CAMK1D: variants seen among roughly 807,000 people sequenced by gnomAD.
CAMK1D encodes calcium/calmodulin-dependent protein kinase type 1D.
CAMK1D carries 9 observed loss-of-function variants against 47.7 expected under a neutral mutation model. The observed-to-expected ratio is 0.19, with a 90% CI of 0.11 to 0.33. The LOEUF is 0.33. Ranked by LOEUF, CAMK1D falls within the 10% of genes least tolerant of loss-of-function variation. The probability of loss-of-function intolerance (pLI) is 1.00; values close to 1 mark genes in which losing one functional copy is unlikely to be tolerated. For synonymous variants in CAMK1D, 184 were observed against 184.9 expected, an observed-to-expected ratio of 0.99 and a Z score of 0.04; for missense variants, 291 against 488.7, an observed-to-expected ratio of 0.60 and a Z score of 3.81.
At chr10:12,492,560 G>T (rs1180922733) in intron 1 of CAMK1D, among the ~76,000 whole-genome samples, 1 of 152,172 alleles carries the variant, frequency 6.6e-6, no homozygotes. Context: ...TTGGGAGGTG[G>T]AGGTGGGAGG....
chr10:12,553,130 T>G, intron 1 of CAMK1D, 95 bp from the exon 2 acceptor site: 119 of 1,581,166 alleles, frequency 7.5e-5, no homozygotes, highest in Middle Eastern at 1.7e-4. Context: ...GTGCCGTCGT[T>G]ATTGTTTACT....
intron 2 of CAMK1D, among the ~76,000 whole-genome samples, chr10:12,636,321 T>C (rs1012106405): frequency 7.9e-5 from 12 of 152,146 alleles, no homozygotes; most frequent in African/African-American, 2.9e-4. Flanking sequence ...GCATATTATA[T>C]ATGTGGTTTT....
chr10:12,826,971 C>T (rs922284367), intron 10 of CAMK1D, among the ~76,000 whole-genome samples: 13 of 152,348 alleles, frequency 8.5e-5, no homozygotes, highest in Middle Eastern at 3.4e-3. Context: ...AGCTCAGTGG[C>T]GGCTGAGGCC....
In CAMK1D at chr10:12,522,775, C is replaced by T. The variant is rs906909197; in HGVS notation, c.93-30450C>T. Among the ~76,000 whole-genome samples the T allele has an allele frequency of 2.5e-4, 37 of 145,252 alleles. No homozygotes were observed. The South Asian group carries it at 7.0e-3, about 27-fold the overall frequency. ...CTCCTCACTTCCCAGAAGGGGCGGC[C>T]GGGCAGAGGCGCCCACCACCTCCCA... On this transcript the variant is annotated intron_variant, in intron 1 of 10. Coordinates refer to ENST00000619168, the MANE Select transcript of CAMK1D (RefSeq NM_153498.4).
chr10:12,621,729 C>T (rs1375907312), intron 2 of CAMK1D, among the ~76,000 whole-genome samples: 1 of 152,188 alleles, frequency 6.6e-6, no homozygotes, highest in Non-Finnish European at 1.5e-5. Flanking sequence ...TGCTAGCATA[C>T]AGGACTTCAG....
intron 1 of CAMK1D, among the ~76,000 whole-genome samples, chr10:12,386,430 A>T (rs1838497040): frequency 6.6e-6 from 1 of 151,782 alleles, no homozygotes; most frequent in Admixed American, 6.6e-5. Context: ...CCACAAACTG[A>T]CAAACTCTGT....
At chr10:12,587,264 G>A (rs1424505956) in intron 2 of CAMK1D, among the ~76,000 whole-genome samples, 3 of 152,136 alleles carry the variant, frequency 2.0e-5, no homozygotes, top group African/African-American at 4.8e-5. Context: ...GCCCACGATC[G>A]CTTTCCTAGA....
chr10:12,407,512 C>T (rs779460462), intron 1 of CAMK1D, among the ~76,000 whole-genome samples: 49 of 152,204 alleles, frequency 3.2e-4, no homozygotes, highest in Non-Finnish European at 6.5e-4. Flanking sequence ...GACTCTAGGT[C>T]CCTTCTCTCC....
Position 12,735,042 on chromosome 10 carries a change from G to A in CAMK1D, c.300-25906G>A, listed in dbSNP as rs1429008709. Reference sequence around the variant, plus strand: ...TAGCCTGAAGTGCCTTAGAATAATAGAATATTAATAGTAATAATAATGGCT... The same window carrying A: ...TAGCCTGAAGTGCCTTAGAATAATAAAATATTAATAGTAATAATAATGGCT... On this transcript the variant is annotated intron_variant, in intron 3 of 10. Transcript: ENST00000619168. 2.0e-5 allele frequency among the ~76,000 whole-genome samples: 3 copies of A among 152,298 alleles called. No individual in the cohort carries two copies. The East Asian group carries it at 5.8e-4, about 29-fold the overall frequency.
At chr10:12,797,737 T>A (rs1187818851) in intron 6 of CAMK1D, among the ~76,000 whole-genome samples, 1 of 152,136 alleles carries the variant, frequency 6.6e-6, no homozygotes, top group Non-Finnish European at 1.5e-5. Context: ...CTCTGCCGAG[T>A]CCATCCTGGG....
intron 1 of CAMK1D, among the ~76,000 whole-genome samples, chr10:12,474,154 T>G (rs1372912164): frequency 1.3e-5 from 2 of 150,806 alleles, no homozygotes; most frequent in African/African-American, 4.9e-5. Flanking sequence ...TAGGCTAGAC[T>G]GTGTCACCAT....
chr10:12,685,875 T>G (rs1832640394), intron 3 of CAMK1D, among the ~76,000 whole-genome samples: 1 of 152,184 alleles, frequency 6.6e-6, no homozygotes, highest in Non-Finnish European at 1.5e-5. Context: ...TGCCGGAGAT[T>G]ATGAGGATTA....
At chr10:12,774,485 G>C (rs1029955464) in intron 5 of CAMK1D, among the ~76,000 whole-genome samples, 1 of 152,202 alleles carries the variant, frequency 6.6e-6, no homozygotes, top group East Asian at 1.9e-4. Context: ...GAAGTCCTGA[G>C]CAGGGGTATG....
At chr10:12,771,097 T>G (rs1837017787) in intron 5 of CAMK1D, among the ~76,000 whole-genome samples, 1 of 152,046 alleles carries the variant, frequency 6.6e-6, no homozygotes, top group African/African-American at 2.4e-5. Context: ...GTCAGGCTAA[T>G]TTTTGTATTT....
intron 1 of CAMK1D, among the ~76,000 whole-genome samples, chr10:12,391,685 A>G (rs1200412371): frequency 6.6e-6 from 1 of 152,206 alleles, no homozygotes; most frequent in Non-Finnish European, 1.5e-5. Context: ...ATGTCCTTAC[A>G]GTACCAGCAG....
At chr10:12,664,716 A>C (rs1840374419) in intron 2 of CAMK1D, among the ~76,000 whole-genome samples, 1 of 152,242 alleles carries the variant, frequency 6.6e-6, no homozygotes, top group African/African-American at 2.4e-5. Flanking sequence ...ATTTCAGATA[A>C]ACAACCATGC....
At chr10:12,510,021 G>A (rs1834993403) in intron 1 of CAMK1D, among the ~76,000 whole-genome samples, 1 of 152,230 alleles carries the variant, frequency 6.6e-6, no homozygotes, top group Non-Finnish European at 1.5e-5. Flanking sequence ...AGGAAGGAAA[G>A]TCAGGCTTTC....
Position 12,397,498 on chromosome 10 carries a change from T to A in CAMK1D, c.92+47588T>A, listed in dbSNP as rs540012638. ...TCCTGTAGGCCACTCTCCCCAGTCC[T>A]AACTCTAGCCCTGAATTGAACAGAC... On this transcript the variant is annotated intron_variant, in intron 1 of 10. Transcript: ENST00000619168. 1.1e-4 allele frequency among the ~76,000 whole-genome samples: 17 copies of A among 152,330 alleles called. No homozygotes were observed. In the South Asian group the frequency reaches 3.1e-3, roughly 28 times the overall value.
At chr10:12,553,433 C>A in intron 2 of CAMK1D, 77 bp downstream of exon 2, 1 of 1,260,204 alleles carries the variant, frequency 7.9e-7, no homozygotes, top group Non-Finnish European at 1.2e-6. Context: ...GCCCCGGAGG[C>A]AGACTTTCCC....
Sources: gnomAD v4.1 joint callset for allele counts (sites outside exome capture counted in the v4.1 genomes callset) on GRCh38, gnomAD v4.1.1 for gene constraint, MANE v1.5 for transcripts, NCBI Gene and HGNC (gene_info 2026-07-23, HGNC 2026-07-21) for gene names.